Variants in NDUFA10 observed in about 807,000 individuals in gnomAD.
The protein encoded by NDUFA10 is NADH dehydrogenase [ubiquinone] 1 alpha subcomplex subunit 10, mitochondrial.
In NDUFA10, 40 loss-of-function variants were observed where a neutral mutation model predicts 47.8. The ratio of observed to expected loss-of-function variants is 0.84; its 90% CI spans 0.65 to 1.09. NDUFA10 has a LOEUF of 1.09. Among genes scored for constraint, NDUFA10 ranks in the 50% least tolerant of loss-of-function variants. NDUFA10 has a pLI of 0.00. For synonymous variants in NDUFA10, 183 were observed against 172.2 expected (o/e 1.06, Z -0.49); for missense variants, 413 against 451.1 (o/e 0.92, Z 0.76).
intron 4 of NDUFA10, among the ~76,000 whole-genome samples, chr2:239,922,010 T>G (rs1210607046): frequency 2.1e-4 from 15 of 70,160 alleles, no homozygotes; most frequent in African/African-American, 6.2e-4. Flanking sequence ...CCTTCTTTCC[T>G]TCCTTCCCTT....
At chr2:240,014,504 C>A in intron 5 of NDUFA10, 1 of 573,378 alleles carries the variant, frequency 1.7e-6, no homozygotes, top group Non-Finnish European at 3.1e-6. Flanking sequence ...TCGGGGACCA[C>A]AGTGGGACCG....
chr2:240,002,958 T>G (rs1559379126), intron 8 of NDUFA10, among the ~76,000 whole-genome samples: 1 of 152,068 alleles, frequency 6.6e-6, no homozygotes. Context: ...CAAGTGACCC[T>G]CCCACCTTAA....
rs1696182400 is a variant in NDUFA10 at position 239,990,114 on chromosome 2, C to A, written c.959G>T (p.Gly320Val). 1.9e-6 allele frequency: 3 copies of A among 1,613,730 alleles called. No homozygotes were observed. The South Asian group carries it at 3.3e-5, about 18-fold the overall frequency. Residue 320 changes from glycine to valine, a missense_variant, in exon 9 of 10, where the codon GGA becomes GTA. Coordinates refer to ENST00000252711, the MANE Select transcript of NDUFA10 (RefSeq NM_004544.4). ...IPIFLPEVTI[G>V]AHQTDRVLHQ... Reference sequence around the variant, plus strand: ...TAAGACACGGTCAGTCTGATGAGCTCCAATGGTGACTTCCGGGAGAAAGAT... The same window carrying A: ...TAAGACACGGTCAGTCTGATGAGCTACAATGGTGACTTCCGGGAGAAAGAT...
In NDUFA10 at chr2:239,961,042, T is replaced by C; in HGVS notation, c.*76A>G. 2.5e-6 allele frequency: 4 copies of C among 1,607,572 alleles called. No homozygotes were observed. The highest frequency in any genetic ancestry group is 3.4e-6 in the Non-Finnish European group (4 of 1,177,282). On this transcript the variant is annotated 3_prime_UTR_variant, in exon 10 of 10. Transcript: ENST00000252711. ...ATTTACCCTCCCCCGATCTTAAAGCTATATGGCGTCCAGGAGAGTGCGGCT... is the reference window on the plus strand; with the variant it reads ...ATTTACCCTCCCCCGATCTTAAAGCCATATGGCGTCCAGGAGAGTGCGGCT...
At chr2:239,927,516 G>A (rs1405792880) in intron 4 of NDUFA10, among the ~76,000 whole-genome samples, 4 of 152,164 alleles carry the variant, frequency 2.6e-5, no homozygotes, top group African/African-American at 9.7e-5. Flanking sequence ...CCGACCTAAC[G>A]GTGCAGTCCT....
At chr2:239,893,816 G>A (rs921860668) in intron 5 of NDUFA10, among the ~76,000 whole-genome samples, 2 of 152,174 alleles carry the variant, frequency 1.3e-5, no homozygotes, top group African/African-American at 4.8e-5. Flanking sequence ...AAAGTCAGGT[G>A]GTCCTGAGCT....
At chr2:240,020,450 A>T (rs1697574439) in intron 3 of NDUFA10, among the ~76,000 whole-genome samples, 1 of 152,188 alleles carries the variant, frequency 6.6e-6, no homozygotes, top group African/African-American at 2.4e-5. Flanking sequence ...TCTGCGGTCC[A>T]ACTCTCAGGA....
In NDUFA10 at chr2:239,945,641, A is replaced by G. The variant is rs1694439649; in HGVS notation, c.294+44433T>C. On this transcript the variant is annotated intron_variant, in intron 4 of 5. Coordinates refer to the NDUFA10 transcript ENST00000419408. This position sits in a 1 kb window ranked among gnomAD's most constrained non-coding sequence, Gnocchi z 4.6. The stretch of plus-strand genomic sequence containing the variant: ...CATGAACAGTTTTCTCACGGAATGG[A>G]TCGATTGGCCCTGGGATGAAAACCA... Among the ~76,000 whole-genome samples the G allele has an allele frequency of 6.6e-6, 1 of 152,182 alleles. No individual in the cohort carries two copies. The highest frequency in any genetic ancestry group is 1.5e-5 in the Non-Finnish European group (1 of 68,024).
At chr2:239,905,252 C>T (rs1346077974) in intron 4 of NDUFA10, among the ~76,000 whole-genome samples, 1 of 152,172 alleles carries the variant, frequency 6.6e-6, no homozygotes, top group Non-Finnish European at 1.5e-5. Context: ...GGGAAGGGGG[C>T]TTCCTTGGCC....
At chr2:239,904,465 T>A (rs906559833) in intron 4 of NDUFA10, among the ~76,000 whole-genome samples, 3 of 152,072 alleles carry the variant, frequency 2.0e-5, no homozygotes, top group Non-Finnish European at 4.4e-5. Flanking sequence ...CAGCTAATAT[T>A]TGTATTTTTA....
In NDUFA10 at chr2:239,906,686, C is replaced by T. The variant is rs1482599333; in HGVS notation, c.295-11372G>A. Among the ~76,000 whole-genome samples, 1 of 152,186 alleles carries T rather than the reference C, an allele frequency of 6.6e-6. No individual in the cohort carries two copies. The highest frequency in any genetic ancestry group is 1.5e-5 in the Non-Finnish European group (1 of 68,030). On this transcript the variant is annotated intron_variant, in intron 4 of 5. Transcript: ENST00000419408. The surrounding 1 kb of genome is among the most constrained non-coding windows in gnomAD (Gnocchi z 4.3). ...GCACCCAACCCTAAAGGTGCCTCCT[C>T]CTTTCTTCTTGATGAAAAGGTGTGC... is the stretch of plus-strand genomic sequence containing the variant.
At position 239,978,433 on chromosome 2, in the gene NDUFA10, G is replaced by A. The variant is rs549610968; in HGVS notation, c.999+11641C>T. ...CTCCTCTACAGGCTCCTCTGCTGGC[G>A]CCCAGGGCCCACACAGTCTGGCCTG... is the stretch of plus-strand genomic sequence containing the variant. On this transcript the variant is annotated intron_variant, in intron 9 of 9. Coordinates refer to ENST00000252711, the MANE Select transcript of NDUFA10 (RefSeq NM_004544.4). Among the ~76,000 whole-genome samples, 7 of 152,152 alleles carry A rather than the reference G, an allele frequency of 4.6e-5. No homozygotes were observed. In the East Asian group the frequency reaches 5.8e-4, roughly 13 times the overall value.
At position 239,987,367 on chromosome 2, in the gene NDUFA10, CCT is replaced by C. The variant is rs1173645779; in HGVS notation, c.999+2705_999+2706del. Reference sequence around the variant, plus strand: ...TCGAATGCGTGTCTGGGCCCCATCCCCTGCGTGTCTAGTCCAGGAGGCCTGGA... The same window carrying C: ...TCGAATGCGTGTCTGGGCCCCATCCCGCGTGTCTAGTCCAGGAGGCCTGGA... On this transcript the variant is annotated intron_variant, in intron 9 of 9. Coordinates refer to ENST00000252711, the MANE Select transcript of NDUFA10 (RefSeq NM_004544.4). The surrounding 1 kb of genome is among the most constrained non-coding windows in gnomAD (Gnocchi z 4.8). 6.6e-6 allele frequency among the ~76,000 whole-genome samples: 1 copy of C among 151,720 alleles called. No individual in the cohort carries two copies. Among genetic ancestry groups the C allele is most frequent in the African/African-American group, 2.4e-5 (1 of 41,274 alleles).
intron 4 of NDUFA10, among the ~76,000 whole-genome samples, chr2:239,944,245 T>A (rs575767215): frequency 6.6e-6 from 1 of 152,358 alleles, no homozygotes. Flanking sequence ...GGGGCCAGCC[T>A]AGACCTTTCC....
intron 4 of NDUFA10, among the ~76,000 whole-genome samples, chr2:239,910,870 CCCCGGCT>C (rs1236531551): frequency 1.3e-5 from 2 of 152,222 alleles, no homozygotes; most frequent in African/African-American, 2.4e-5. Flanking sequence ...CTTCTGGAGG[CCCCGGCT>C]CCTCCTCGTG....
chr2:240,022,431 T>C, intron 1 of NDUFA10, 91 bp from the exon 2 acceptor site: 3 of 1,576,298 alleles, frequency 1.9e-6, no homozygotes, highest in Non-Finnish European at 2.6e-6. Context: ...CCAAGAAACC[T>C]CTTAGTGATA....
chr2:240,000,788 AC>A (rs1471826275), intron 8 of NDUFA10, among the ~76,000 whole-genome samples: 1 of 152,216 alleles, frequency 6.6e-6, no homozygotes, highest in Non-Finnish European at 1.5e-5. Context: ...ACAACTGCCA[AC>A]AGTATTCAGT....
intron 9 of NDUFA10, among the ~76,000 whole-genome samples, chr2:239,968,821 G>T (rs1418687349): frequency 6.6e-6 from 1 of 152,174 alleles, no homozygotes; most frequent in Non-Finnish European, 1.5e-5. Context: ...ACTTAGGGCT[G>T]AGAGTCGGCG....
At position 239,981,455 on chromosome 2, in the gene NDUFA10, A is replaced by T. The variant is rs564361587; in HGVS notation, c.999+8619T>A. Among the ~76,000 whole-genome samples, 8 of 152,370 alleles carry T rather than the reference A, an allele frequency of 5.3e-5. No individual in the cohort carries two copies. In the South Asian group the frequency reaches 1.7e-3, roughly 32 times the overall value. ...AGAAGCAATGGGGGAATTACCAACA[A>T]GGAATAAGATCCTACCAACAAGATG... On this transcript the variant is annotated intron_variant, in intron 9 of 9. Transcript: ENST00000252711.
Sources: gnomAD v4.1 joint callset for allele counts (sites outside exome capture counted in the v4.1 genomes callset) on GRCh38, gnomAD v4.1.1 for gene constraint, Gnocchi (gnomAD v3.1) non-coding constraint, MANE v1.5 for transcripts, NCBI Gene and HGNC (gene_info 2026-07-23, HGNC 2026-07-21) for gene names.